Variants in LHFPL6 observed in about 807,000 individuals in gnomAD.
The protein encoded by LHFPL6 is LHFPL tetraspan subfamily member 6.
A neutral mutation model predicts 20.6 loss-of-function variants in LHFPL6; 9 were observed. The observed-to-expected ratio is 0.44, with a 90% confidence interval of 0.26 to 0.76. LHFPL6 has a LOEUF of 0.76. Among genes scored for constraint, LHFPL6 ranks in the 30% least tolerant of loss-of-function variants. The probability of loss-of-function intolerance (pLI) is 0.20; values close to 1 mark genes in which losing one functional copy is unlikely to be tolerated. For synonymous variants in LHFPL6, 105 were observed against 98.7 expected, an observed-to-expected ratio of 1.06 and a Z score of -0.38; for missense variants, 218 against 253.5, an observed-to-expected ratio of 0.86 and a Z score of 0.95.
intron 2 of LHFPL6, among the ~76,000 whole-genome samples, chr13:39,454,188 T>A (rs1361398826): frequency 6.6e-6 from 1 of 152,240 alleles, no homozygotes; most frequent in East Asian, 1.9e-4. Context: ...TTATAAAGTA[T>A]TCTATTTCTA....
At chr13:39,403,795 C>A (rs2138381122) in intron 2 of LHFPL6, among the ~76,000 whole-genome samples, 1 of 152,206 alleles carries the variant, frequency 6.6e-6, no homozygotes, top group Admixed American at 6.5e-5. Context: ...TGGACATACC[C>A]CCACCACTGT....
At chr13:39,443,090 T>A (rs1374191299) in intron 2 of LHFPL6, among the ~76,000 whole-genome samples, 2 of 152,184 alleles carry the variant, frequency 1.3e-5, no homozygotes, top group Non-Finnish European at 2.9e-5. Context: ...AAAAAGTGAT[T>A]AGGTTACAAG....
intron 3 of LHFPL6, among the ~76,000 whole-genome samples, chr13:39,372,007 C>T (rs756544014): frequency 6.6e-6 from 1 of 152,226 alleles, no homozygotes. Flanking sequence ...CTACAGATGG[C>T]GGATGGTTAC....
intron 3 of LHFPL6, among the ~76,000 whole-genome samples, chr13:39,363,838 T>C (rs1006161851): frequency 6.6e-6 from 1 of 152,174 alleles, no homozygotes; most frequent in African/African-American, 2.4e-5. Flanking sequence ...AGCTATAAAG[T>C]TATGGGAAAA....
chr13:39,535,512 G>C (rs145755296), intron 2 of LHFPL6, among the ~76,000 whole-genome samples: 117 of 152,266 alleles, frequency 7.7e-4, no homozygotes, highest in African/African-American at 2.3e-3. Context: ...TTTGGTGGAA[G>C]AAACTTAGAT....
At chr13:39,554,650 C>T (rs1871245902) in intron 2 of LHFPL6, among the ~76,000 whole-genome samples, 3 of 152,152 alleles carry the variant, frequency 2.0e-5, no homozygotes, top group Admixed American at 2.0e-4. Context: ...TGTCTTCCCC[C>T]TCCTCCCCAC....
At chr13:39,428,156 G>A (rs1871692339) in intron 2 of LHFPL6, among the ~76,000 whole-genome samples, 1 of 152,124 alleles carries the variant, frequency 6.6e-6, no homozygotes, top group Admixed American at 6.5e-5. Context: ...CTTTCTAGCA[G>A]TATGAGAATG....
intron 2 of LHFPL6, among the ~76,000 whole-genome samples, chr13:39,542,795 G>C (rs1416199364): frequency 1.3e-5 from 2 of 152,214 alleles, no homozygotes; most frequent in Non-Finnish European, 2.9e-5. Flanking sequence ...TATGTGCTAA[G>C]TCGCATGGGT....
At chr13:39,435,440 C>T (rs1368672406) in intron 2 of LHFPL6, among the ~76,000 whole-genome samples, 1 of 152,022 alleles carries the variant, frequency 6.6e-6, no homozygotes, top group Non-Finnish European at 1.5e-5. Flanking sequence ...TACTTAAAGA[C>T]CTTTAGATGA....
chr13:39,437,653 C>T (rs1474630492), intron 2 of LHFPL6, among the ~76,000 whole-genome samples: 1 of 152,144 alleles, frequency 6.6e-6, no homozygotes, highest in Non-Finnish European at 1.5e-5. Context: ...CCTGTAATCC[C>T]AGCACTATGG....
intron 2 of LHFPL6, among the ~76,000 whole-genome samples, chr13:39,432,212 C>G (rs888564875): frequency 6.6e-6 from 1 of 152,148 alleles, no homozygotes; most frequent in African/African-American, 2.4e-5. Flanking sequence ...TTCAAAATTA[C>G]CAGTCTGTGG....
chr13:39,446,968 A>G (rs1289316806), intron 2 of LHFPL6, among the ~76,000 whole-genome samples: 1 of 152,214 alleles, frequency 6.6e-6, no homozygotes, highest in Non-Finnish European at 1.5e-5. Context: ...CTCGACCTTA[A>G]GCTCTCTAGA....
intron 2 of LHFPL6, among the ~76,000 whole-genome samples, chr13:39,520,915 A>C (rs889398432): frequency 6.6e-6 from 1 of 152,156 alleles, no homozygotes; most frequent in African/African-American, 2.4e-5. Flanking sequence ...TTCATTGTGC[A>C]ACCAAGGTTG....
intron 2 of LHFPL6, among the ~76,000 whole-genome samples, chr13:39,420,933 T>C (rs918952667): frequency 1.3e-5 from 2 of 152,202 alleles, no homozygotes; most frequent in Non-Finnish European, 2.9e-5. Context: ...GACAGCAATA[T>C]CATATCTTTA....
At chr13:39,518,145 A>C (rs774288543) in intron 2 of LHFPL6, among the ~76,000 whole-genome samples, 7 of 151,006 alleles carry the variant, frequency 4.6e-5, no homozygotes, top group Non-Finnish European at 8.9e-5. Flanking sequence ...ACACTTTCGA[A>C]TAGCGACGCT....
intron 2 of LHFPL6, among the ~76,000 whole-genome samples, chr13:39,504,437 A>T (rs1390550751): frequency 2.0e-5 from 3 of 152,238 alleles, no homozygotes; most frequent in Non-Finnish European, 4.4e-5. Flanking sequence ...TCACATATGA[A>T]GTATCACACA....
intron 2 of LHFPL6, among the ~76,000 whole-genome samples, chr13:39,471,666 G>A (rs1872950901): frequency 6.6e-6 from 1 of 152,180 alleles, no homozygotes; most frequent in East Asian, 1.9e-4. Context: ...CTGGCTTTAT[G>A]TTATCCATTG....
rs561198393 is a variant in LHFPL6, at chr13:39,556,349, G to C, written c.385+44483C>G. ...GAGGGAAAGTTTGGAACTTCTTAGA[G>C]ACTGGTTAAATGGTTGTGACCAAAA... On this transcript the variant is annotated intron_variant, in intron 2 of 3. Transcript: ENST00000379589. Among the ~76,000 whole-genome samples the C allele has an allele frequency of 3.3e-5, 5 of 152,302 alleles. No homozygotes were observed. In the South Asian group the frequency reaches 8.3e-4, roughly 25 times the overall value.
intron 2 of LHFPL6, among the ~76,000 whole-genome samples, chr13:39,379,903 T>C (rs1040231161): frequency 6.6e-6 from 1 of 152,248 alleles, no homozygotes; most frequent in Non-Finnish European, 1.5e-5. Flanking sequence ...ATTGAAACTA[T>C]GAATCACTAG....
Sources: gnomAD v4.1 joint callset for allele counts (sites outside exome capture counted in the v4.1 genomes callset) on GRCh38, gnomAD v4.1.1 for gene constraint, MANE v1.5 for transcripts, NCBI Gene and HGNC (gene_info 2026-07-23, HGNC 2026-07-21) for gene names.